Variants in PACSIN1 observed in about 807,000 individuals in gnomAD.
The protein encoded by PACSIN1 is protein kinase C and casein kinase substrate in neurons protein 1.
Under a neutral mutation model 59.5 loss-of-function variants are expected in PACSIN1, and 15 were observed. That is an observed-to-expected ratio of 0.25 (90% confidence interval 0.17 to 0.39). The LOEUF is 0.39. Among genes scored for constraint, PACSIN1 ranks in the 10% least tolerant of loss-of-function variants. PACSIN1 has a pLI of 1.00. For synonymous variants in PACSIN1, 210 were observed against 220.6 expected (o/e 0.95, Z 0.42); for missense variants, 420 against 580.2 (o/e 0.72, Z 2.84).
chr6:34,513,835 G>A (rs540719358), intron 1 of PACSIN1, among the ~76,000 whole-genome samples: 1 of 152,250 alleles, frequency 6.6e-6, no homozygotes, highest in South Asian at 2.1e-4. Flanking sequence ...GTGGGGCGGA[G>A]CAGACAGGCA....
chr6:34,528,730 C>T lies in PACSIN1; in HGVS notation c.309C>T (p.Asn103=). 6.2e-7 allele frequency: 1 copy of T among 1,614,042 alleles called. No individual in the cohort carries two copies. The highest frequency in any genetic ancestry group is 8.5e-7 in the Non-Finnish European group (1 of 1,180,006). The stretch of plus-strand genomic sequence containing the variant: ...GCGAGCTGCACCAGGAGGTGAAGAA[C>T]AATCTGCTGAATGAGGACCTGGAGA... ...KVSELHQEVK[N]NLLNEDLEKV... is the part of the protein sequence containing the mutation. The change falls in exon 4 of 10, where the codon AAC becomes AAT. Residue 103 remains asparagine, a synonymous_variant. Coordinates refer to ENST00000244458, the MANE Select transcript of PACSIN1 (RefSeq NM_020804.5).
At chr6:34,512,914 C>G (rs768517562) in intron 1 of PACSIN1, among the ~76,000 whole-genome samples, 1 of 152,222 alleles carries the variant, frequency 6.6e-6, no homozygotes, top group Non-Finnish European at 1.5e-5. Context: ...TGTGGACAAA[C>G]TGCTCCATCT....
At chr6:34,504,288 ATATTTTTTT>A (rs1285709347) in intron 1 of PACSIN1, among the ~76,000 whole-genome samples, 1,249 of 99,978 alleles carry the variant, frequency 0.012, 20 homozygotes, top group African/African-American at 0.046. Flanking sequence ...ATATATATAT[ATATTTTTTT>A]TTTTTTTTTT....
chr6:34,509,807 A>C (rs1007780564), intron 1 of PACSIN1, among the ~76,000 whole-genome samples: 14 of 151,700 alleles, frequency 9.2e-5, no homozygotes, highest in African/African-American at 3.2e-4. Flanking sequence ...TAAATATTTT[A>C]TTCTTTTTTG....
At chr6:34,471,674 G>A (rs2113831866) in intron 1 of PACSIN1, among the ~76,000 whole-genome samples, 1 of 152,324 alleles carries the variant, frequency 6.6e-6, no homozygotes, top group South Asian at 2.1e-4. Flanking sequence ...CAGTCGGGGA[G>A]CATACGTTAG....
Position 34,523,595 on chromosome 6 carries a change from G to A in PACSIN1, c.-63-2648G>A, listed in dbSNP as rs563764925. Among the ~76,000 whole-genome samples the A allele has an allele frequency of 9.7e-4, 148 of 152,374 alleles. 1 individual carries two copies. Among genetic ancestry groups the A allele is most frequent in the Non-Finnish European group, 1.9e-3 (129 of 68,044 alleles). ...GATGGGCCTGGTGCCCCTTTGAAGG[G>A]TTGAGGAAGGCCAAGAGCATGTTGA... On this transcript the variant is annotated intron_variant, in intron 1 of 9. Coordinates refer to ENST00000244458, the MANE Select transcript of PACSIN1 (RefSeq NM_020804.5).
intron 1 of PACSIN1, among the ~76,000 whole-genome samples, chr6:34,517,513 C>T (rs1258261562): frequency 2.0e-5 from 3 of 151,590 alleles, no homozygotes; most frequent in African/African-American, 7.3e-5. Flanking sequence ...TCCAGCCTCA[C>T]CCCTCCCCTT....
chr6:34,513,288 C>T (rs932905660), intron 1 of PACSIN1, among the ~76,000 whole-genome samples: 4 of 152,160 alleles, frequency 2.6e-5, no homozygotes, highest in African/African-American at 4.8e-5. Flanking sequence ...GTGATGAATA[C>T]GGAAGAGCTA....
intron 1 of PACSIN1, among the ~76,000 whole-genome samples, chr6:34,512,124 C>T (rs1445068524): frequency 1.3e-5 from 2 of 151,616 alleles, no homozygotes; most frequent in African/African-American, 4.9e-5. Context: ...CCTGTGCCAG[C>T]GTGGGACCTG....
At chr6:34,467,728 T>C (rs575961762) in intron 1 of PACSIN1, among the ~76,000 whole-genome samples, 1 of 151,998 alleles carries the variant, frequency 6.6e-6, no homozygotes, top group Admixed American at 6.6e-5. Context: ...CCGGCTAATT[T>C]TATATTTTTA....
intron 1 of PACSIN1, among the ~76,000 whole-genome samples, chr6:34,523,512 A>T (rs1767433263): frequency 6.6e-6 from 1 of 152,210 alleles, no homozygotes; most frequent in Admixed American, 6.5e-5. Flanking sequence ...TCATTTATTG[A>T]GACACTAAAG....
intron 1 of PACSIN1, among the ~76,000 whole-genome samples, chr6:34,475,538 C>T (rs920349377): frequency 6.6e-6 from 1 of 152,206 alleles, no homozygotes. Flanking sequence ...TTCCTCCAGA[C>T]AAGGGGCCAG....
Position 34,531,244 on chromosome 6 carries a change from G to T in PACSIN1, c.1038-356G>T. 6.6e-6 allele frequency among the ~76,000 whole-genome samples: 1 copy of T among 152,286 alleles called. No homozygotes were observed. The highest frequency in any genetic ancestry group is 6.5e-5 in the Admixed American group (1 of 15,302). ...GAAACCCAGACAGGTTAAGTGACTT[G>T]CCCAAGATCACATTGCTAGTTAGTA... On this transcript the variant is annotated intron_variant, in intron 8 of 9. Transcript: ENST00000244458. The surrounding 1 kb of genome is among the most constrained non-coding windows in gnomAD (Gnocchi z 4.4).
rs1767655360 is a variant in PACSIN1 at position 34,534,320 on chromosome 6, G to C, written c.*1790G>C. 6.5e-6 allele frequency: 1 copy of C among 152,786 alleles called. No homozygotes were observed. Among genetic ancestry groups the C allele is most frequent in the Non-Finnish European group, 1.5e-5 (1 of 68,338 alleles). 9.5% of individuals were successfully genotyped at this position (152,786 alleles called of 1,614,324 possible). ...GGGCCAGGGGCGATGGCACCCCGGG[G>C]ACAGGCAGACCTCCTTCCTGCCGTC... On this transcript the variant is annotated 3_prime_UTR_variant, in exon 10 of 10. Coordinates refer to ENST00000244458, the MANE Select transcript of PACSIN1 (RefSeq NM_020804.5).
Position 34,517,951 on chromosome 6 carries a change from C to T in PACSIN1, c.-63-8292C>T, listed in dbSNP as rs1001853533. Among the ~76,000 whole-genome samples, 7 of 152,332 alleles carry T rather than the reference C, an allele frequency of 4.6e-5. No homozygotes were observed. The South Asian group carries it at 1.0e-3, about 23-fold the overall frequency. On this transcript the variant is annotated intron_variant, in intron 1 of 9. Transcript: ENST00000244458. ...AGTGTAAAGCCAGGAGTGTCTCCCT[C>T]GGGGGCTGGCTCAGCATCTGTGCTG...
At chr6:34,486,059 C>T (rs1766789221) in intron 1 of PACSIN1, among the ~76,000 whole-genome samples, 1 of 152,086 alleles carries the variant, frequency 6.6e-6, no homozygotes, top group Non-Finnish European at 1.5e-5. Flanking sequence ...ATGATTCTCT[C>T]TGGGTGGGAA....
intron 1 of PACSIN1, among the ~76,000 whole-genome samples, chr6:34,506,635 G>A (rs553626074): frequency 6.6e-6 from 1 of 152,302 alleles, no homozygotes; most frequent in South Asian, 2.1e-4. Flanking sequence ...TGCCAGGTGG[G>A]GGTAGAAATC....
intron 1 of PACSIN1, among the ~76,000 whole-genome samples, chr6:34,470,068 C>T (rs1766550044): frequency 6.6e-6 from 1 of 152,050 alleles, no homozygotes; most frequent in African/African-American, 2.4e-5. Context: ...AGACTGGGGT[C>T]GGGGGCTCCC....
At position 34,534,239 on chromosome 6, in the gene PACSIN1, G is replaced by A. The variant is rs1017160406; in HGVS notation, c.*1709G>A. On this transcript the variant is annotated 3_prime_UTR_variant, in exon 10 of 10. Coordinates refer to ENST00000244458, the MANE Select transcript of PACSIN1 (RefSeq NM_020804.5). ...CTCAAGGCTCTGACCTTCTTCATGT[G>A]GGCACAGAGGGTCCTGACACTCTGG... is the stretch of plus-strand genomic sequence containing the variant. 9.8e-5 allele frequency: 15 copies of A among 152,424 alleles called. No homozygotes were observed. The highest frequency in any genetic ancestry group is 2.4e-4 in the African/African-American group (10 of 41,558). 9.4% of individuals were successfully genotyped at this position (152,424 alleles called of 1,614,324 possible). A position where few individuals can be genotyped will look rare whatever the true frequency, so the allele number is the denominator to read the frequency against.
Sources: gnomAD v4.1 joint callset for allele counts (sites outside exome capture counted in the v4.1 genomes callset) on GRCh38, gnomAD v4.1.1 for gene constraint, Gnocchi (gnomAD v3.1) non-coding constraint, MANE v1.5 for transcripts, NCBI Gene and HGNC (gene_info 2026-07-23, HGNC 2026-07-21) for gene names.